Variants in LINC01488 observed in about 807,000 individuals in gnomAD.
The protein encoded by LINC01488 is long independently transcribed non-coding RNA 1488.
intron 1 of LINC01488, among the ~76,000 whole-genome samples, chr11:69,487,105 C>T (rs1344869320): frequency 1.3e-5 from 2 of 152,224 alleles, no homozygotes; most frequent in Non-Finnish European, 2.9e-5. Flanking sequence ...TGCCGCCTCC[C>T]GCAGGCGGAG....
intron 1 of LINC01488, among the ~76,000 whole-genome samples, chr11:69,486,407 A>G (rs998051384): frequency 6.6e-6 from 1 of 152,180 alleles, no homozygotes; most frequent in Non-Finnish European, 1.5e-5. Flanking sequence ...CCACCTGCCC[A>G]CTGGGGCCTC....
intron 1 of LINC01488, among the ~76,000 whole-genome samples, chr11:69,486,957 C>T (rs1384763835): frequency 2.0e-5 from 3 of 152,214 alleles, no homozygotes; most frequent in African/African-American, 7.2e-5. Flanking sequence ...AGCTGCACGG[C>T]CTCCTCTTTC....
At chr11:69,485,979 C>T (rs1857109237) in intron 1 of LINC01488, 1 of 152,256 alleles carries the variant, frequency 6.6e-6, no homozygotes, top group East Asian at 1.9e-4. Context: ...ACTCTTGTGT[C>T]AGGGTGGTGC....
exon 4 of LINC01488, chr11:69,492,739 C>T (rs1857243705): frequency 6.6e-6 from 1 of 152,060 alleles, no homozygotes; most frequent in South Asian, 2.1e-4. Context: ...TGGTATTTGT[C>T]ACAGCAGCCA....
At chr11:69,487,444 G>A (rs1857142788) in intron 1 of LINC01488, among the ~76,000 whole-genome samples, 1 of 152,234 alleles carries the variant, frequency 6.6e-6, no homozygotes, top group South Asian at 2.1e-4. Context: ...TGAGTTGGGG[G>A]ATGATGTTCT....
chr11:69,484,977 G>C (rs184606033), intron 1 of LINC01488, among the ~76,000 whole-genome samples: 77 of 152,356 alleles, frequency 5.1e-4, no homozygotes, highest in African/African-American at 1.7e-3. Flanking sequence ...CTGCTGACCA[G>C]TAGTTTGACA....
chr11:69,485,958 G>T (rs539075129), intron 1 of LINC01488: 2 of 152,334 alleles, frequency 1.3e-5, no homozygotes, highest in Admixed American at 6.5e-5. Context: ...TCTCGCCGAG[G>T]CCCCCTAGGC....
chr11:69,491,769 C>T (rs542907106), intron 3 of LINC01488: 7 of 152,668 alleles, frequency 4.6e-5, no homozygotes, highest in Admixed American at 2.6e-4. Flanking sequence ...GAACCCCTGC[C>T]CCATGGCGCT....
At chr11:69,487,837 T>A (rs1308274425) in intron 1 of LINC01488, 1 of 152,354 alleles carries the variant, frequency 6.6e-6, no homozygotes, top group Non-Finnish European at 1.5e-5. Context: ...GACATCCCCA[T>A]CTGCTTCCCC....
chr11:69,487,475 C>A (rs1197450282), intron 1 of LINC01488, among the ~76,000 whole-genome samples: 1 of 152,192 alleles, frequency 6.6e-6, no homozygotes, highest in Non-Finnish European at 1.5e-5. Context: ...CAAGGCAGGG[C>A]CTGAGTAAGG....
chr11:69,486,294 G>A (rs929002448), intron 1 of LINC01488, among the ~76,000 whole-genome samples: 6 of 151,820 alleles, frequency 4.0e-5, no homozygotes, highest in African/African-American at 9.7e-5. Context: ...TGCCCCACTC[G>A]GACCATCTCA....
chr11:69,488,674 G>T (rs879759769), intron 1 of LINC01488, among the ~76,000 whole-genome samples: 15 of 152,232 alleles, frequency 9.9e-5, no homozygotes, highest in African/African-American at 3.6e-4. Flanking sequence ...GAGCCCCGTC[G>T]CAGGGACACA....
chr11:69,483,885 G>A (rs1051505283), intron 1 of LINC01488, among the ~76,000 whole-genome samples: 1 of 152,204 alleles, frequency 6.6e-6, no homozygotes, highest in African/African-American at 2.4e-5. Flanking sequence ...GGTGGGCTGG[G>A]GCCGGAAACC....
chr11:69,485,442 G>A (rs1434326906), intron 1 of LINC01488, among the ~76,000 whole-genome samples: 3 of 152,244 alleles, frequency 2.0e-5, no homozygotes, highest in East Asian at 1.9e-4. Flanking sequence ...AGAACCAGGG[G>A]AAGCTCCACC....
chr11:69,492,158 G>A (rs890241693), exon 4 of LINC01488: 4 of 152,266 alleles, frequency 2.6e-5, no homozygotes, highest in African/African-American at 9.6e-5. Context: ...TGGAAGCCAG[G>A]AGGCCAACGA....
intron 1 of LINC01488, among the ~76,000 whole-genome samples, chr11:69,485,080 A>G (rs1373031579): frequency 6.6e-6 from 1 of 152,152 alleles, no homozygotes; most frequent in East Asian, 1.9e-4. Context: ...GTCACTGCGT[A>G]TGGGAAGTGG....
At chr11:69,482,295 C>T (rs1857054972) in intron 1 of LINC01488, among the ~76,000 whole-genome samples, 2 of 152,150 alleles carry the variant, frequency 1.3e-5, no homozygotes, top group African/African-American at 4.8e-5. Context: ...GGTAAACCGC[C>T]CCCATGATTC....
At chr11:69,489,294 A>C (rs1857177175) in intron 1 of LINC01488, among the ~76,000 whole-genome samples, 1 of 151,924 alleles carries the variant, frequency 6.6e-6, no homozygotes, top group Admixed American at 6.6e-5. Context: ...CCGAAACTGA[A>C]ATGAGGGAGC....
intron 1 of LINC01488, among the ~76,000 whole-genome samples, chr11:69,486,964 T>C (rs1857132164): frequency 6.6e-6 from 1 of 152,188 alleles, no homozygotes; most frequent in African/African-American, 2.4e-5. Context: ...CGGCCTCCTC[T>C]TTCGCGTTAA....
Sources: gnomAD v4.1 joint callset for allele counts (sites outside exome capture counted in the v4.1 genomes callset) on GRCh38, gnomAD v4.1.1 for gene constraint, MANE v1.5 for transcripts, NCBI Gene and HGNC (gene_info 2026-07-23, HGNC 2026-07-21) for gene names.